GLCE: variants seen among roughly 807,000 people sequenced by gnomAD.
The protein encoded by GLCE is glucuronic acid epimerase.
Under a neutral mutation model 47.9 loss-of-function variants are expected in GLCE, and 19 were observed. The observed-to-expected ratio is 0.40, with a 90% CI of 0.28 to 0.58. The LOEUF (loss-of-function observed/expected upper bound fraction) is 0.58, where lower values mean the gene tolerates loss of function less well. GLCE is among the 20% of genes least tolerant of loss of function. The pLI, the probability that GLCE is intolerant of heterozygous loss-of-function variation, is 0.48. For missense variants in GLCE, 556 were observed against 743.3 expected (o/e 0.75, Z 2.93); for synonymous variants, 245 against 263.4 (o/e 0.93, Z 0.68).
Position 69,217,013 on chromosome 15 carries a change from G to A in GLCE, c.-14+6607G>A, listed in dbSNP as rs180800812. Among the ~76,000 whole-genome samples the A allele has an allele frequency of 2.0e-3, 306 of 152,088 alleles. 2 individuals carry two copies. Among genetic ancestry groups the A allele is most frequent in the African/African-American group, 6.6e-3 (274 of 41,526 alleles). ...TGACTTTTTCTGCTTTAGAATAAGC[G>A]TACCTCTTTAAATGTCCTATTTAAT... On this transcript the variant is annotated intron_variant, in intron 2 of 4. Coordinates refer to ENST00000261858, the MANE Select transcript of GLCE (RefSeq NM_015554.3).
chr15:69,169,131 A>G (rs2051547553), intron 1 of GLCE, among the ~76,000 whole-genome samples: 1 of 152,228 alleles, frequency 6.6e-6, no homozygotes, highest in East Asian at 1.9e-4. Context: ...CCTGTGTTGA[A>G]CATTACATCT....
chr15:69,212,634 A>C (rs1313195660), intron 2 of GLCE, among the ~76,000 whole-genome samples: 2 of 152,076 alleles, frequency 1.3e-5, no homozygotes, highest in Admixed American at 1.3e-4. Flanking sequence ...TTCTCTGTTC[A>C]TGTCTTTGAA....
At chr15:69,234,599 A>G (rs2052569718) in intron 2 of GLCE, among the ~76,000 whole-genome samples, 1 of 152,168 alleles carries the variant, frequency 6.6e-6, no homozygotes, top group African/African-American at 2.4e-5. Context: ...CTGCTTCACC[A>G]CCTTATTTTT....
intron 2 of GLCE, among the ~76,000 whole-genome samples, chr15:69,231,759 A>T (rs1034467116): frequency 1.3e-5 from 2 of 152,020 alleles, no homozygotes; most frequent in African/African-American, 4.8e-5. Context: ...TAGGATATAC[A>T]TGTGATTCAG....
At chr15:69,180,487 C>A (rs556580816) in intron 1 of GLCE, among the ~76,000 whole-genome samples, 27 of 152,164 alleles carry the variant, frequency 1.8e-4, no homozygotes, top group African/African-American at 6.3e-4. Context: ...GGAGGAGTTA[C>A]ACTTCTCTAA....
At position 69,268,964 on chromosome 15, in the gene GLCE, CT is replaced by C. The variant is rs1357568649; in HGVS notation, c.1575del (p.Ala526GlnfsTer117). 1 of 1,614,030 alleles carries C rather than the reference CT, an allele frequency of 6.2e-7. No homozygotes were observed. The highest frequency in any genetic ancestry group is 8.5e-7 in the Non-Finnish European group (1 of 1,180,034). ...SLIGLYDLKE[T>X]AGEKLGKEAR... ...ATTGGGCTGTATGACTTAAAAGAAA[CT>C]GCAGGGGAAAAACTCGGAAAAGAAG... On this transcript the variant is annotated frameshift_variant, in exon 5 of 5. Transcript: ENST00000261858. LOFTEE classifies it high-confidence loss of function.
chr15:69,248,146 C>T (rs2140427984), intron 2 of GLCE, among the ~76,000 whole-genome samples: 1 of 152,192 alleles, frequency 6.6e-6, no homozygotes, highest in Middle Eastern at 3.4e-3. Context: ...TCCTGTTTTG[C>T]CTTATTGTGA....
chr15:69,242,270 A>G (rs1006849705), intron 2 of GLCE, among the ~76,000 whole-genome samples: 3 of 151,864 alleles, frequency 2.0e-5, no homozygotes, highest in African/African-American at 4.8e-5. Context: ...TAACTAAACT[A>G]CCTGCCACAC....
At chr15:69,243,526 G>A (rs2052704214) in intron 2 of GLCE, among the ~76,000 whole-genome samples, 1 of 149,908 alleles carries the variant, frequency 6.7e-6, no homozygotes, top group South Asian at 2.1e-4. Flanking sequence ...TTGAGCCCAG[G>A]AGTTCAAGAC....
rs1486671657 is a variant in GLCE, at chr15:69,268,297, A to G, written c.907A>G (p.Asn303Asp). 1 of 1,612,674 alleles carries G rather than the reference A, an allele frequency of 6.2e-7. No individual in the cohort carries two copies. The highest frequency in any genetic ancestry group is 8.5e-7 in the Non-Finnish European group (1 of 1,178,962). The change falls in exon 5 of 5, where the codon AAT becomes GAT. Residue 303 changes from asparagine (N) to aspartate (D), a missense_variant. Asn to Asp is a conservative substitution (Grantham distance 23). Transcript: ENST00000261858. Reference sequence around the variant, plus strand: ...TTCATTTGACCTCAAGTTCTTGACAAATGGAAGTGTGTCCGTGGTTCTAGA... The same window carrying G: ...TTCATTTGACCTCAAGTTCTTGACAGATGGAAGTGTGTCCGTGGTTCTAGA... ...IISFDLKFLTNGSVSVVLETT... is the reference protein window; with the variant it reads ...IISFDLKFLTDGSVSVVLETT...
chr15:69,167,635 G>A (rs756388240), intron 1 of GLCE, among the ~76,000 whole-genome samples: 13 of 152,252 alleles, frequency 8.5e-5, no homozygotes, highest in Non-Finnish European at 1.5e-4. Flanking sequence ...GGAGCGGAAG[G>A]CAGTTTATAT....
At chr15:69,191,389 A>G (rs1013126750) in intron 1 of GLCE, among the ~76,000 whole-genome samples, 1 of 152,180 alleles carries the variant, frequency 6.6e-6, no homozygotes, top group Non-Finnish European at 1.5e-5. Flanking sequence ...AGTCAAACTC[A>G]TGGTTATGAC....
Position 69,269,113 on chromosome 15 carries a change from C to T in GLCE, c.1723C>T (p.Arg575Cys), listed in dbSNP as rs1341974834. Residue 575 changes from arginine to cysteine, a missense_variant, in exon 5 of 5, where the codon CGC becomes TGC. Physicochemically the swap from Arg to Cys is radical, Grantham distance 180. Transcript: ENST00000261858. ...GCTTGGCATCGCTCCTAACCTGGCT[C>T]GCTGGGACTATCATACCACCCACAT... ...FMLGIAPNLA[R>C]WDYHTTHINQ... is the part of the protein sequence containing the mutation. 6 of 1,613,982 alleles carry T rather than the reference C, an allele frequency of 3.7e-6. No individual in the cohort carries two copies. Among genetic ancestry groups the T allele is most frequent in the African/African-American group, 1.3e-5 (1 of 74,908 alleles).
intron 1 of GLCE, among the ~76,000 whole-genome samples, chr15:69,161,320 G>T (rs942243952): frequency 1.3e-5 from 2 of 152,030 alleles, no homozygotes; most frequent in Non-Finnish European, 2.9e-5. Flanking sequence ...CTGGGGAGAG[G>T]GGTCTGTTCA....
rs1354647710 is a variant in GLCE, at chr15:69,160,738, C to A, written c.-124C>A. ...CTTCCTCAGGGCTCCCGTGTCTGCT[C>A]GCCCTCCGACGCTGCTCAGGTTAGA... On this transcript the variant is annotated 5_prime_UTR_variant, in exon 1 of 5. Transcript: ENST00000261858. The surrounding 1 kb of genome is among the most constrained non-coding windows in gnomAD (Gnocchi z 4.2). 7.9e-5 allele frequency: 12 copies of A among 152,726 alleles called. No homozygotes were observed. The highest frequency in any genetic ancestry group is 1.3e-4 in the Non-Finnish European group (9 of 68,190). The allele number at this position is 152,726 out of a possible 1,614,324, so 9.5% of individuals were successfully genotyped here. A position where few individuals can be genotyped will look rare whatever the true frequency, so the allele number is the denominator to read the frequency against.
chr15:69,168,556 G>T (rs1037277421), intron 1 of GLCE, among the ~76,000 whole-genome samples: 1 of 150,652 alleles, frequency 6.6e-6, no homozygotes, highest in African/African-American at 2.4e-5. Context: ...TTTTTGAGAC[G>T]GAGTTTCGCT....
At chr15:69,164,886 C>G (rs939295812) in intron 1 of GLCE, among the ~76,000 whole-genome samples, 3 of 152,162 alleles carry the variant, frequency 2.0e-5, no homozygotes, top group African/African-American at 7.2e-5. Context: ...TATGTCCTTA[C>G]TTAACTCTGG....
At chr15:69,249,735 C>T (rs1345588007) in intron 2 of GLCE, among the ~76,000 whole-genome samples, 1 of 152,146 alleles carries the variant, frequency 6.6e-6, no homozygotes, top group Admixed American at 6.5e-5. Flanking sequence ...GCTCATGATG[C>T]TATCCATAGT....
chr15:69,176,216 G>GTTTTTTTT lies in GLCE; in HGVS notation c.-105+15476_-105+15483dup, dbSNP rs35017106. Among the ~76,000 whole-genome samples, 180 of 63,406 alleles carry GTTTTTTTT rather than the reference G, an allele frequency of 2.8e-3. 37 individuals carry two copies. Among genetic ancestry groups the GTTTTTTTT allele is most frequent in the Non-Finnish European group, 3.6e-3 (136 of 37,518 alleles). 41.6% of individuals were successfully genotyped at this position (63,406 alleles called of 152,430 possible). ...ATCTAGTAGTTTTCAGTGGAACCTT[G>GTTTTTTTT]TTTTTTTTTTTTTTTTTTTTTTTTG... On this transcript the variant is annotated intron_variant, in intron 1 of 4. Transcript: ENST00000261858.
Sources: allele counts gnomAD v4.1 joint callset (sites outside exome capture counted in the v4.1 genomes callset), GRCh38; gene constraint gnomAD v4.1.1; non-coding constraint Gnocchi (gnomAD v3.1); transcripts MANE v1.5; gene names NCBI Gene and HGNC (gene_info 2026-07-23, HGNC 2026-07-21).